Variants in NCOA2 observed in about 807,000 individuals in gnomAD.
NCOA2 encodes the protein class E basic helix-loop-helix protein 75.
A neutral mutation model predicts 145.1 loss-of-function variants in NCOA2; 21 were observed. The observed-to-expected ratio is 0.14, with a 90% CI of 0.10 to 0.21. The LOEUF (loss-of-function observed/expected upper bound fraction) is 0.21, where lower values mean the gene tolerates loss of function less well. Ranked by LOEUF, NCOA2 falls within the 10% of genes least tolerant of loss-of-function variation. The pLI, the probability that NCOA2 is intolerant of heterozygous loss-of-function variation, is 1.00. For synonymous variants in NCOA2, 619 were observed against 637.5 expected (o/e 0.97, Z 0.44); for missense variants, 1,472 against 1,837.6 (o/e 0.80, Z 3.64).
rs1445368610 is a variant in NCOA2 at position 70,128,810 on chromosome 8, A to G, written c.3495T>C (p.Tyr1165=). ...NFHTMGQRPS[Y]ATLRMQPRPG... is the part of the protein sequence containing the mutation. ...GTCTGGGCTGCATACGGAGTGTGGC[A>G]TAACTAGGCCGCTGTCCCATGGTGT... Residue 1165 remains tyrosine, a synonymous_variant, in exon 17 of 23, where the codon TAT becomes TAC. Transcript: ENST00000452400. The G allele has an allele frequency of 5.0e-6, 8 of 1,614,056 alleles. No individual in the cohort carries two copies. The highest frequency in any genetic ancestry group is 6.8e-6 in the Non-Finnish European group (8 of 1,179,902).
chr8:70,360,990 T>C (rs1286789491), intron 1 of NCOA2, among the ~76,000 whole-genome samples: 1 of 151,758 alleles, frequency 6.6e-6, no homozygotes, highest in African/African-American at 2.4e-5. Flanking sequence ...GATCTCATTG[T>C]GGCCTCTGGC....
intron 15 of NCOA2, among the ~76,000 whole-genome samples, chr8:70,137,651 C>T (rs1034747950): frequency 1.3e-5 from 2 of 152,188 alleles, no homozygotes; most frequent in Admixed American, 6.5e-5. Context: ...GCTCCAAGTG[C>T]GACAGCAATG....
chr8:70,228,029 T>C (rs1022002998), intron 2 of NCOA2, among the ~76,000 whole-genome samples: 1 of 146,588 alleles, frequency 6.8e-6, no homozygotes, highest in African/African-American at 2.5e-5. Flanking sequence ...AAAGCCAAAT[T>C]AAGCATTTTT....
At chr8:70,170,646 T>G (rs115812795) in intron 5 of NCOA2, among the ~76,000 whole-genome samples, 1,820 of 152,316 alleles carry the variant, frequency 0.012, 50 homozygotes, top group African/African-American at 0.042. Context: ...TCCATTAATT[T>G]ATCAGGAGAT....
In NCOA2 at chr8:70,163,523, C is replaced by T; in HGVS notation, c.774G>A (p.Met258Ile). 1 of 1,613,906 alleles carries T rather than the reference C, an allele frequency of 6.2e-7. No homozygotes were observed. The highest frequency in any genetic ancestry group is 2.2e-5 in the East Asian group (1 of 44,876). ...ATGAGGGAAGAACTGGTCTTTCCTT[C>T]ATGGGAACTCTTCTTGCCACGCAAA... Reference protein sequence around the residue: ...CLICVARRVPMKERPVLPSSE... With the variant: ...CLICVARRVPIKERPVLPSSE... The change falls in exon 8 of 23, where the codon ATG becomes ATA. Residue 258 changes from methionine to isoleucine, a missense_variant. By Grantham distance (10) the Met-to-Ile change is conservative. Transcript: ENST00000452400.
chr8:70,239,530 T>C (rs964034667), intron 2 of NCOA2, among the ~76,000 whole-genome samples: 12 of 152,168 alleles, frequency 7.9e-5, no homozygotes, highest in African/African-American at 2.9e-4. Context: ...ACCCACAACC[T>C]GCTGATATAA....
At chr8:70,349,788 A>G (rs1372802227) in intron 1 of NCOA2, among the ~76,000 whole-genome samples, 2 of 152,104 alleles carry the variant, frequency 1.3e-5, no homozygotes, top group East Asian at 3.8e-4. Context: ...TCTAATTTTC[A>G]TAAAAAATTT....
At chr8:70,398,186 G>A (rs573317068) in intron 1 of NCOA2, among the ~76,000 whole-genome samples, 13 of 152,320 alleles carry the variant, frequency 8.5e-5, no homozygotes, top group Middle Eastern at 6.8e-3. Context: ...GGCCAGGTAC[G>A]GTGGCTAATG....
chr8:70,167,323 G>A (rs147423148), intron 6 of NCOA2, among the ~76,000 whole-genome samples: 93 of 152,192 alleles, frequency 6.1e-4, no homozygotes, highest in African/African-American at 2.2e-3. Context: ...TCCATCTAAC[G>A]GGATCTTCCA....
intron 1 of NCOA2, among the ~76,000 whole-genome samples, chr8:70,341,908 T>C (rs1204203949): frequency 6.6e-6 from 1 of 152,210 alleles, no homozygotes; most frequent in African/African-American, 2.4e-5. Flanking sequence ...AATGCCATAT[T>C]CCATACAAAA....
intron 9 of NCOA2, among the ~76,000 whole-genome samples, chr8:70,159,936 G>A (rs1812756834): frequency 6.6e-6 from 1 of 152,054 alleles, no homozygotes; most frequent in Non-Finnish European, 1.5e-5. Context: ...TATTATTATG[G>A]CAAAACAGTG....
intron 16 of NCOA2, among the ~76,000 whole-genome samples, chr8:70,129,474 T>C (rs1011906885): frequency 3.9e-5 from 6 of 152,340 alleles, no homozygotes; most frequent in East Asian, 1.9e-4. Context: ...AAGACATGAA[T>C]TGAATTGCAA....
chr8:70,427,742 G>A, the NCOA2 span, among the ~76,000 whole-genome samples: 2 of 152,196 alleles, frequency 1.3e-5, no homozygotes, highest in African/African-American at 4.8e-5. Context: ...TTGGCCGTAG[G>A]AGGAAGATGC....
At chr8:70,223,063 A>C (rs558084802) in intron 2 of NCOA2, among the ~76,000 whole-genome samples, 30 of 152,314 alleles carry the variant, frequency 2.0e-4, no homozygotes, top group African/African-American at 7.0e-4. Context: ...ACATCGCAGG[A>C]AGAAGCTGCA....
intron 1 of NCOA2, among the ~76,000 whole-genome samples, chr8:70,397,020 A>G (rs1383012503): frequency 3.3e-5 from 5 of 152,220 alleles, no homozygotes; most frequent in Non-Finnish European, 5.9e-5. Context: ...AAATGGAGGT[A>G]ACCTCTATTT....
intron 2 of NCOA2, among the ~76,000 whole-genome samples, chr8:70,286,762 T>C (rs1382235967): frequency 6.6e-6 from 1 of 152,160 alleles, no homozygotes; most frequent in Non-Finnish European, 1.5e-5. Flanking sequence ...AAAAACCCTG[T>C]GTATTGATTG....
intron 2 of NCOA2, among the ~76,000 whole-genome samples, chr8:70,265,670 C>G (rs1295406734): frequency 6.6e-6 from 1 of 152,194 alleles, no homozygotes; most frequent in Non-Finnish European, 1.5e-5. Flanking sequence ...ATGTCAGAGA[C>G]ACTCAGTCCA....
At chr8:70,270,736 T>A (rs1824985925) in intron 2 of NCOA2, among the ~76,000 whole-genome samples, 1 of 152,220 alleles carries the variant, frequency 6.6e-6, no homozygotes, top group Admixed American at 6.5e-5. Flanking sequence ...CAGATTGAAA[T>A]TAAATATTTG....
chr8:70,192,802 C>T (rs186559401), intron 4 of NCOA2, among the ~76,000 whole-genome samples: 29 of 152,212 alleles, frequency 1.9e-4, no homozygotes, highest in African/African-American at 7.0e-4. Context: ...AGAACGGTGG[C>T]TCATGCCTGT....
Sources: allele counts gnomAD v4.1 joint callset (sites outside exome capture counted in the v4.1 genomes callset), GRCh38; gene constraint gnomAD v4.1.1; transcripts MANE v1.5; gene names NCBI Gene and HGNC (gene_info 2026-07-23, HGNC 2026-07-21).